The following PHIP variants were observed in gnomAD, a reference collection of about 807,000 sequenced individuals.
PHIP encodes PH-interacting protein.
In PHIP, 54 loss-of-function variants were observed where a neutral mutation model predicts 236.8. The ratio of observed to expected loss-of-function variants is 0.23; its 90% confidence interval spans 0.18 to 0.29. The LOEUF (loss-of-function observed/expected upper bound fraction) is 0.29. Ranked by LOEUF, PHIP falls within the 10% of genes least tolerant of loss-of-function variation. The pLI is 1.00. For missense variants in PHIP, 1,370 were observed against 2,190.8 expected (o/e 0.63, Z 7.48); for synonymous variants, 756 against 718.9 (o/e 1.05, Z -0.83).
At position 78,954,817 on chromosome 6, in the gene PHIP, A is replaced by C; in HGVS notation, c.4050T>G (p.Tyr1350Ter). 1 of 1,574,508 alleles carries C rather than the reference A, an allele frequency of 6.4e-7. No homozygotes were observed. Among genetic ancestry groups the C allele is most frequent in the Non-Finnish European group, 8.6e-7 (1 of 1,165,226 alleles). Reference sequence around the variant, plus strand: ...AAATATTTTCAAAAATACTTACTGGATATTCAAGGAGATCTACCGGCTGAC... The same window carrying C: ...AAATATTTTCAAAAATACTTACTGGCTATTCAAGGAGATCTACCGGCTGAC... Reference protein sequence around the residue: ...PFRQPVDLLEYPDYRDIIDTP... With the variant: ...PFRQPVDLLE Residue 1350 changes from tyrosine to a stop codon, truncating the protein, a stop_gained, in exon 35 of 40, where the codon TAT becomes TAG. Coordinates refer to ENST00000275034, the MANE Select transcript of PHIP (RefSeq NM_017934.7). LOFTEE classifies it high-confidence loss of function.
In PHIP at chr6:78,958,498, A is replaced by G; in HGVS notation, c.3759T>C (p.Thr1253=). The change falls in exon 32 of 40, where the codon ACT becomes ACC. Residue 1253 remains threonine, a synonymous_variant. Transcript: ENST00000275034. Reference sequence around the variant, plus strand: ...ACTTTATAAAATGTAGAAGAAGATCAGTCACGAATTTAGCAGATTTCACAA... The same window carrying G: ...ACTTTATAAAATGTAGAAGAAGATCGGTCACGAATTTAGCAGATTTCACAA... ...SPIVKSAKFV[T]DLLLHFIKDQ... 3.2e-6 allele frequency: 5 copies of G among 1,543,364 alleles called. No individual in the cohort carries two copies. Among genetic ancestry groups the G allele is most frequent in the Non-Finnish European group, 4.5e-6 (5 of 1,116,656 alleles).
At chr6:79,073,245 AGAAT>A (rs1773983265) in intron 4 of PHIP, among the ~76,000 whole-genome samples, 1 of 152,218 alleles carries the variant, frequency 6.6e-6, no homozygotes, top group South Asian at 2.1e-4. Context: ...TATGTAAGAA[AGAAT>A]GAAGAATGCT....
chr6:78,992,052 C>T (rs1046928165), intron 19 of PHIP, among the ~76,000 whole-genome samples: 3 of 151,040 alleles, frequency 2.0e-5, no homozygotes, highest in African/African-American at 7.3e-5. Context: ...GGCTCTGCCC[C>T]CCGGGGTTCA....
chr6:78,992,257 C>T (rs370812351), intron 19 of PHIP, among the ~76,000 whole-genome samples: 32 of 152,144 alleles, frequency 2.1e-4, no homozygotes, highest in Non-Finnish European at 2.8e-4. Context: ...GCCACCGCGC[C>T]GGCCCAAAAT....
At chr6:79,038,288 T>C (rs114643099) in intron 7 of PHIP, among the ~76,000 whole-genome samples, 2 of 152,208 alleles carry the variant, frequency 1.3e-5, no homozygotes, top group East Asian at 1.9e-4. Flanking sequence ...AAGGCTCTCT[T>C]TGTGTGTCAA....
At chr6:78,974,203 G>A (rs1367770770) in intron 24 of PHIP, among the ~76,000 whole-genome samples, 1 of 152,120 alleles carries the variant, frequency 6.6e-6, no homozygotes, top group Non-Finnish European at 1.5e-5. Context: ...AATCAAACTA[G>A]AATTCAGGAT....
At chr6:78,992,950 T>A (rs1305144801) in intron 19 of PHIP, among the ~76,000 whole-genome samples, 1 of 152,232 alleles carries the variant, frequency 6.6e-6, no homozygotes, top group Non-Finnish European at 1.5e-5. Context: ...GCTATGCCTC[T>A]TGTGCCCAAC....
At chr6:79,034,302 T>G (rs527496784) in intron 7 of PHIP, among the ~76,000 whole-genome samples, 1 of 152,210 alleles carries the variant, frequency 6.6e-6, no homozygotes, top group Admixed American at 6.5e-5. Context: ...GCCTAGGCAG[T>G]GTCTAGTAAC....
intron 7 of PHIP, among the ~76,000 whole-genome samples, chr6:79,036,352 T>C (rs1771931667): frequency 6.6e-6 from 1 of 152,182 alleles, no homozygotes; most frequent in Admixed American, 6.5e-5. Context: ...ATCTTAGTAG[T>C]TTCTTCCTCT....
At chr6:78,994,192 G>C (rs1467277012) in intron 19 of PHIP, among the ~76,000 whole-genome samples, 1 of 152,196 alleles carries the variant, frequency 6.6e-6, no homozygotes, top group Non-Finnish European at 1.5e-5. Flanking sequence ...ATGAGGAGTG[G>C]CTCATGAATG....
intron 20 of PHIP, among the ~76,000 whole-genome samples, chr6:78,990,190 A>G (rs76856196): frequency 0.037 from 5,596 of 152,282 alleles, 102 homozygotes; most frequent in Middle Eastern, 0.058. Flanking sequence ...GAAGTTTCAC[A>G]TAGGCTTCCT....
At chr6:79,059,622 T>TA (rs1773261438) in intron 6 of PHIP, among the ~76,000 whole-genome samples, 1 of 83,354 alleles carries the variant, frequency 1.2e-5, no homozygotes, top group African/African-American at 4.1e-5. Flanking sequence ...TATATATATA[T>TA]ATAAAAATGC....
At chr6:79,000,754 G>T (rs952799916) in intron 17 of PHIP, among the ~76,000 whole-genome samples, 1 of 151,824 alleles carries the variant, frequency 6.6e-6, no homozygotes, top group African/African-American at 2.4e-5. Context: ...CATACTTCTC[G>T]AATACTACTT....
intron 19 of PHIP, among the ~76,000 whole-genome samples, chr6:78,992,450 T>C (rs747335040): frequency 6.6e-6 from 1 of 152,130 alleles, no homozygotes; most frequent in Non-Finnish European, 1.5e-5. Context: ...TACACAGGCA[T>C]ACATTGTTTT....
At chr6:79,074,784 T>C (rs1774067476) in intron 4 of PHIP, among the ~76,000 whole-genome samples, 1 of 152,158 alleles carries the variant, frequency 6.6e-6, no homozygotes, top group Non-Finnish European at 1.5e-5. Context: ...CTTAAAATTC[T>C]ACTTTCCTCT....
Position 78,941,097 on chromosome 6 carries a change from G to A in PHIP, c.5062C>T (p.Pro1688Ser), listed in dbSNP as rs1773478895. 1 of 1,613,578 alleles carries A rather than the reference G, an allele frequency of 6.2e-7. No homozygotes were observed. The highest frequency in any genetic ancestry group is 8.5e-7 in the Non-Finnish European group (1 of 1,179,658). The change falls in exon 40 of 40, where the codon CCT becomes TCT. Residue 1688 changes from proline to serine, a missense_variant. Physicochemically the swap from Pro to Ser is moderately conservative, Grantham distance 74 (BLOSUM62 -1). Coordinates refer to ENST00000275034, the MANE Select transcript of PHIP (RefSeq NM_017934.7). ...NVHPIRDEVLPSSTCNFLSET... is the reference protein window; with the variant it reads ...NVHPIRDEVLSSSTCNFLSET... ...GAAAGAAAATTGCATGTTGAAGAAG[G>A]AAGTACTTCATCTCTGATGGGATGC...
chr6:79,021,903 T>C (rs1323795464), intron 9 of PHIP, among the ~76,000 whole-genome samples: 2 of 152,180 alleles, frequency 1.3e-5, no homozygotes, highest in Non-Finnish European at 1.5e-5. Flanking sequence ...AAAGGATAAA[T>C]GCTTAAAGGG....
chr6:78,964,278 A>C (rs1766985815), intron 29 of PHIP, among the ~76,000 whole-genome samples: 1 of 152,190 alleles, frequency 6.6e-6, no homozygotes, highest in Admixed American at 6.5e-5. Context: ...CCTGCAGAGA[A>C]CTAATCTTAG....
At chr6:78,955,588 G>T in intron 33 of PHIP, 25 bp downstream of exon 33, 1 of 743,780 alleles carries the variant, frequency 1.3e-6, no homozygotes, top group Non-Finnish European at 2.3e-6. Context: ...TATCAATATG[G>T]TAATAATAAT....
Sources: allele counts gnomAD v4.1 joint callset (sites outside exome capture counted in the v4.1 genomes callset), GRCh38; gene constraint gnomAD v4.1.1; transcripts MANE v1.5; gene names NCBI Gene and HGNC (gene_info 2026-07-23, HGNC 2026-07-21).